Variants in CPZ observed in about 807,000 individuals in gnomAD.
CPZ encodes VEZT/CPZ fusion.
In CPZ, 103 loss-of-function variants were observed where a neutral mutation model predicts 61.8. That is an observed-to-expected ratio of 1.67 (90% confidence interval 1.42 to 1.96). The LOEUF is 1.96. Ranked by LOEUF, CPZ falls within the 30% of genes most tolerant of loss-of-function variation. The probability of loss-of-function intolerance (pLI) is 0.00; values close to 1 mark genes in which losing one functional copy is unlikely to be tolerated. For missense variants in CPZ, 1,461 were observed against 914.9 expected (o/e 1.60, Z -7.70); for synonymous variants, 551 against 373.7 (o/e 1.47, Z -5.47).
chr4:8,595,434 C>A (rs1714107732), intron 1 of CPZ, among the ~76,000 whole-genome samples: 1 of 152,358 alleles, frequency 6.6e-6, no homozygotes, highest in Admixed American at 6.5e-5. Flanking sequence ...TGCTCTGTGG[C>A]TGCCAGGGCA....
Position 8,607,017 on chromosome 4 carries a change from C to A in CPZ, c.1068+119C>A, listed in dbSNP as rs888234772. 2.5e-6 allele frequency: 3 copies of A among 1,205,722 alleles called. No individual in the cohort carries two copies. In the African/African-American group the frequency reaches 4.6e-5, roughly 18 times the overall value. 74.7% of individuals were successfully genotyped at this position (1,205,722 alleles called of 1,614,324 possible). On this transcript the variant is annotated intron_variant, in intron 6 of 10. Coordinates refer to ENST00000360986, the MANE Select transcript of CPZ (RefSeq NM_001014447.3). ...AGGAGAGCCTGGTGCTCCCTCCCTG[C>A]CTCAGTTACCTGTCTGTGAAATGGG...
rs750399515 is a variant in CPZ, at chr4:8,607,336, C to T, written c.1138C>T (p.His380Tyr). ...TIPFVLSASL[H>Y]GGDLVVSYPF... The stretch of plus-strand genomic sequence containing the variant: ...ACCCTTTGTGCTCTCAGCCAGCCTT[C>T]ATGGGGGCGACCTGGTGGTGTCCTA... Residue 380 changes from histidine (H) to tyrosine (Y), a missense_variant, in exon 7 of 11, where the codon CAT becomes TAT. Coordinates refer to ENST00000360986, the MANE Select transcript of CPZ (RefSeq NM_001014447.3). 2.5e-6 allele frequency: 4 copies of T among 1,614,150 alleles called. No individual in the cohort carries two copies. The highest frequency in any genetic ancestry group is 2.2e-5 in the South Asian group (2 of 91,082).
rs1716497465 is a variant in CPZ, at chr4:8,619,482, C to A, written c.1824C>A (p.Ser608Arg). Residue 608 changes from serine to arginine, a missense_variant, in exon 11 of 11, where the codon AGC becomes AGA. Physicochemically the swap from Ser to Arg is moderately radical, Grantham distance 110. Transcript: ENST00000360986. ...TGPHDPLGGA[S>R]SLGEATEPDP... ...CCCACGACCCACTGGGAGGTGCCAG[C>A]TCTTTGGGGGAGGCCACGGAGCCCG... is the stretch of plus-strand genomic sequence containing the variant. 1.9e-6 allele frequency: 3 copies of A among 1,609,260 alleles called. No homozygotes were observed. Among genetic ancestry groups the A allele is most frequent in the Non-Finnish European group, 2.5e-6 (3 of 1,176,838 alleles).
At position 8,619,524 on chromosome 4, in the gene CPZ, C is replaced by T. The variant is rs1390936974; in HGVS notation, c.1866C>T (p.Arg622=). 3.1e-6 allele frequency: 5 copies of T among 1,592,358 alleles called. No homozygotes were observed. The highest frequency in any genetic ancestry group is 3.4e-6 in the Non-Finnish European group (4 of 1,167,948). Residue 622 remains arginine, a synonymous_variant, in exon 11 of 11, where the codon CGC becomes CGT. Transcript: ENST00000360986. The part of the protein sequence containing the change: ...EATEPDPLRA[R]RQPSADGSKP... The stretch of plus-strand genomic sequence containing the variant: ...CGGAGCCCGACCCGCTCCGGGCGCG[C>T]AGGCAGCCCTCGGCCGACGGGAGTA...
intron 1 of CPZ, among the ~76,000 whole-genome samples, chr4:8,595,960 G>A (rs1474436772): frequency 6.6e-6 from 1 of 152,224 alleles, no homozygotes; most frequent in Non-Finnish European, 1.5e-5. Flanking sequence ...GAGCCGGGAG[G>A]GGCGGGAGAG....
In CPZ at chr4:8,619,624, C is replaced by A. The variant is rs112995933; in HGVS notation, c.*7C>A. The A allele has an allele frequency of 7.4e-6, 11 of 1,479,528 alleles. No individual in the cohort carries two copies. Among genetic ancestry groups the A allele is most frequent in the South Asian group, 1.5e-5 (1 of 68,946 alleles). 91.7% of individuals were successfully genotyped at this position (1,479,528 alleles called of 1,614,324 possible). A position where few individuals can be genotyped will look rare whatever the true frequency, so the allele number is the denominator to read the frequency against. The stretch of plus-strand genomic sequence containing the variant: ...CTGGCTGCTCAAGTACTAGCCCCGG[C>A]CCCAGCACCCGCCAGGATGTGGAGA... On this transcript the variant is annotated 3_prime_UTR_variant, in exon 11 of 11. Coordinates refer to ENST00000360986, the MANE Select transcript of CPZ (RefSeq NM_001014447.3).
rs34486568 is a variant in CPZ at position 8,619,362 on chromosome 4, C to T, written c.1704C>T (p.Pro568=). The change falls in exon 11 of 11, where the codon CCC becomes CCT. Residue 568 remains proline, a synonymous_variant. Coordinates refer to ENST00000360986, the MANE Select transcript of CPZ (RefSeq NM_001014447.3). ...AAGTCATCAAGAAAGTCATCATCCC[C>T]GCCCGGATGAAGAGGGCTGGCCGTG... ...YAKVIKKVII[P]ARMKRAGRVD... 7,947 of 1,614,192 alleles carry T rather than the reference C, an allele frequency of 4.9e-3. 35 individuals carry two copies. The highest frequency in any genetic ancestry group is 0.014 in the South Asian group (1,296 of 91,076).
At chr4:8,613,133 C>CTTTTT (rs36005113) in intron 8 of CPZ, among the ~76,000 whole-genome samples, 1 of 134,712 alleles carries the variant, frequency 7.4e-6, no homozygotes, top group African/African-American at 2.8e-5. Context: ...CTCTCTGTTC[C>CTTTTT]TTTTTTTTTT....
chr4:8,606,585 C>A, intron 5 of CPZ, 152 bp from the exon 6 acceptor site: 1 of 991,430 alleles, frequency 1.0e-6, no homozygotes, highest in Non-Finnish European at 1.5e-6. Context: ...GGAGAGGAGG[C>A]CAAGGGTCAG....
At position 8,607,440 on chromosome 4, in the gene CPZ, G is replaced by A. The variant is rs376784777; in HGVS notation, c.1227+15G>A. The A allele has an allele frequency of 4.2e-5, 67 of 1,612,766 alleles. No individual in the cohort carries two copies. The highest frequency in any genetic ancestry group is 1.1e-4 in the South Asian group (10 of 90,932). ...CCGACGAGAAGGTGAGAGGGCTGTC[G>A]GGTGTGTGCAGGGGAGGGAGACAGT... On this transcript the variant is annotated intron_variant, in intron 7 of 10. Coordinates refer to ENST00000360986, the MANE Select transcript of CPZ (RefSeq NM_001014447.3).
intron 2 of CPZ, chr4:8,599,738 C>T: frequency 1.2e-6 from 1 of 809,554 alleles, no homozygotes; most frequent in African/African-American, 1.8e-5. Context: ...GATGTCCTCT[C>T]CATCCCTCTC....
Position 8,619,547 on chromosome 4 carries a change from G to GT in CPZ, c.1890dup (p.Lys631Ter), listed in dbSNP as rs1375462018. 1 of 1,564,216 alleles carries GT rather than the reference G, an allele frequency of 6.4e-7. No individual in the cohort carries two copies. Among genetic ancestry groups the GT allele is most frequent in the Non-Finnish European group, 8.7e-7 (1 of 1,154,388 alleles). On this transcript the variant is annotated frameshift_variant, in exon 11 of 11. Transcript: ENST00000360986. LOFTEE classifies it high-confidence loss of function. ...CGCAGGCAGCCCTCGGCCGACGGGA[G>GT]TAAGCCCTGGTGGTGGTCCTACTTC...
chr4:8,611,648 C>G (rs1715705408), intron 7 of CPZ, among the ~76,000 whole-genome samples: 1 of 152,202 alleles, frequency 6.6e-6, no homozygotes, highest in South Asian at 2.1e-4. Context: ...CTTGCCTTCA[C>G]TGCTCCAACA....
rs1266027014 is a variant in CPZ, at chr4:8,619,454, G to A, written c.1796G>A (p.Gly599Glu). 1.2e-6 allele frequency: 2 copies of A among 1,613,082 alleles called. No homozygotes were observed. The highest frequency in any genetic ancestry group is 1.1e-5 in the South Asian group (1 of 90,888). ...TTTATTCATGGGCTGCGGAGGACTG[G>A]GCCCCACGACCCACTGGGAGGTGCC... ...KNFIHGLRRTGPHDPLGGASS... is the reference protein window; with the variant it reads ...KNFIHGLRRTEPHDPLGGASS... The change falls in exon 11 of 11, where the codon GGG (glycine) becomes GAG (glutamate). Residue 599 changes from glycine to glutamate, a missense_variant. Transcript: ENST00000360986.
chr4:8,618,399 A>G (rs368236229), intron 9 of CPZ, 30 bp from the exon 10 acceptor site: 34 of 1,606,376 alleles, frequency 2.1e-5, no homozygotes, highest in Admixed American at 3.3e-5. Flanking sequence ...AGCTCACGCC[A>G]TCTCCCTGGC....
At chr4:8,595,596 C>G (rs1017189520) in intron 1 of CPZ, among the ~76,000 whole-genome samples, 3 of 152,260 alleles carry the variant, frequency 2.0e-5, no homozygotes, top group African/African-American at 7.2e-5. Context: ...GGGGCAGTTG[C>G]AGCCCCCGAG....
In CPZ at chr4:8,619,252, T is replaced by C; in HGVS notation, c.1604-10T>C. The C allele has an allele frequency of 1.3e-6, 2 of 1,597,330 alleles. No homozygotes were observed. The highest frequency in any genetic ancestry group is 1.1e-5 in the South Asian group (1 of 88,350). ...CTCGTGAGAATCATTTTTAATCTAT[T>C]TGTCCACAGCCCCAGATGGTGACTA... On this transcript the variant is annotated splice_polypyrimidine_tract_variant and intron_variant, in intron 10 of 10. Coordinates refer to ENST00000360986, the MANE Select transcript of CPZ (RefSeq NM_001014447.3).
At position 8,612,074 on chromosome 4, in the gene CPZ, G is replaced by A; in HGVS notation, c.1275G>A (p.Met425Ile). ...SRAYADVHPM[M>I]MDRSENRCGG... ...CCTACGCTGACGTCCACCCCATGAT[G>A]ATGGACAGGTCGGAGAATAGGTGTG... Residue 425 changes from methionine (M) to isoleucine (I), a missense_variant, in exon 8 of 11, where the codon ATG becomes ATA. Physicochemically the swap from Met to Ile is conservative, Grantham distance 10 (BLOSUM62 1). Coordinates refer to ENST00000360986, the MANE Select transcript of CPZ (RefSeq NM_001014447.3). The A allele has an allele frequency of 1.2e-6, 2 of 1,613,692 alleles. No homozygotes were observed. Among genetic ancestry groups the A allele is most frequent in the South Asian group, 1.1e-5 (1 of 91,062 alleles).
chr4:8,608,885 C>G (rs1378125002), intron 7 of CPZ, among the ~76,000 whole-genome samples: 5 of 152,166 alleles, frequency 3.3e-5, no homozygotes, highest in Non-Finnish European at 7.4e-5. Context: ...TGTGGCCCAG[C>G]AGGAATGGGG....
Sources: allele counts gnomAD v4.1 joint callset (sites outside exome capture counted in the v4.1 genomes callset), GRCh38; gene constraint gnomAD v4.1.1; transcripts MANE v1.5; gene names NCBI Gene and HGNC (gene_info 2026-07-23, HGNC 2026-07-21).